The following HCN1 variants were observed in gnomAD, a reference collection of about 807,000 sequenced individuals.
HCN1 encodes hyperpolarization activated cyclic nucleotide gated potassium channel 1.
HCN1 carries 13 observed loss-of-function variants against 78.9 expected under a neutral mutation model. The ratio of observed to expected loss-of-function variants is 0.16; its 90% CI spans 0.11 to 0.26. The LOEUF is 0.26. Among genes scored for constraint, HCN1 ranks in the 10% least tolerant of loss-of-function variants. HCN1 has a pLI of 1.00. For synonymous variants in HCN1, 552 were observed against 455.5 expected, an observed-to-expected ratio of 1.21 and a Z score of -2.70; for missense variants, 810 against 1,154.3, an observed-to-expected ratio of 0.70 and a Z score of 4.32.
At chr5:45,606,277 C>T (rs769064726) in intron 2 of HCN1, among the ~76,000 whole-genome samples, 4 of 151,862 alleles carry the variant, frequency 2.6e-5, no homozygotes, top group Non-Finnish European at 5.9e-5. Flanking sequence ...TACAGAAACT[C>T]CACCTGGTAC....
intron 5 of HCN1, among the ~76,000 whole-genome samples, chr5:45,337,102 A>G (rs1186931047): frequency 6.6e-6 from 1 of 152,104 alleles, no homozygotes; most frequent in Non-Finnish European, 1.5e-5. Context: ...GAACATTTGT[A>G]TACCCTCTAT....
chr5:45,415,766 T>C (rs1189006971), intron 3 of HCN1, among the ~76,000 whole-genome samples: 1 of 152,062 alleles, frequency 6.6e-6, no homozygotes, highest in Non-Finnish European at 1.5e-5. Context: ...CGTCTGTTTA[T>C]TTGTTTGCCT....
At chr5:45,552,677 A>G (rs1743392276) in intron 2 of HCN1, among the ~76,000 whole-genome samples, 4 of 151,952 alleles carry the variant, frequency 2.6e-5, no homozygotes, top group South Asian at 2.1e-4. Context: ...AAGTCTAGAA[A>G]CATGGTATAT....
chr5:45,571,324 T>A (rs1379604842), intron 2 of HCN1, among the ~76,000 whole-genome samples: 1 of 152,082 alleles, frequency 6.6e-6, no homozygotes, highest in Non-Finnish European at 1.5e-5. Context: ...AGTTTCATGG[T>A]TTTTTCTTGG....
chr5:45,581,054 G>C (rs1040232431), intron 2 of HCN1, among the ~76,000 whole-genome samples: 4 of 152,218 alleles, frequency 2.6e-5, no homozygotes, highest in Admixed American at 2.0e-4. Flanking sequence ...TATCTACCCA[G>C]TAATGGGATG....
intron 2 of HCN1, among the ~76,000 whole-genome samples, chr5:45,608,246 C>T (rs1400404041): frequency 6.6e-6 from 1 of 151,740 alleles, no homozygotes; most frequent in African/African-American, 2.4e-5. Flanking sequence ...AGAACACATA[C>T]CATGTTCATA....
intron 3 of HCN1, among the ~76,000 whole-genome samples, chr5:45,443,046 C>T (rs540448448): frequency 2.0e-5 from 3 of 152,108 alleles, no homozygotes; most frequent in African/African-American, 7.2e-5. Context: ...ATGCTTGACA[C>T]ATAGTTACAG....
chr5:45,542,875 T>C lies in HCN1; in HGVS notation c.850-80868A>G, dbSNP rs943430289. On this transcript the variant is annotated intron_variant, in intron 2 of 7. Coordinates refer to ENST00000303230, the MANE Select transcript of HCN1 (RefSeq NM_021072.4). ...TTCAAGCAATTGGAGACTTGTTCCA[T>C]ATGGGACAGATTGAAGCTGTTTTTA... Among the ~76,000 whole-genome samples the C allele has an allele frequency of 2.6e-5, 4 of 152,158 alleles. 1 individual carries two copies. The highest frequency in any genetic ancestry group is 2.0e-4 in the Admixed American group (3 of 15,250).
intron 5 of HCN1, among the ~76,000 whole-genome samples, chr5:45,339,017 C>G (rs1321221914): frequency 6.6e-6 from 1 of 152,124 alleles, no homozygotes; most frequent in East Asian, 1.9e-4. Flanking sequence ...TAGGGAAGCA[C>G]ATGGAGAAAC....
chr5:45,396,409 T>C, intron 4 of HCN1, 83 bp downstream of exon 4: 1 of 975,586 alleles, frequency 1.0e-6, no homozygotes, highest in South Asian at 1.4e-5. Context: ...ATAGAGGAGA[T>C]GGTGTAGTTA....
chr5:45,531,490 G>T (rs984444156), intron 2 of HCN1, among the ~76,000 whole-genome samples: 1 of 152,130 alleles, frequency 6.6e-6, no homozygotes, highest in African/African-American at 2.4e-5. Context: ...CTAGTCCCGT[G>T]TTTTTAAAGA....
chr5:45,298,701 C>T (rs1226299455), intron 6 of HCN1, among the ~76,000 whole-genome samples: 1 of 151,940 alleles, frequency 6.6e-6, no homozygotes, highest in Non-Finnish European at 1.5e-5. Context: ...AGGATGATTT[C>T]AAATTATTTA....
chr5:45,645,515 T>A lies in HCN1; in HGVS notation c.519A>T (p.Thr173=), dbSNP rs934881083. ...GITFFTEQTT[T]PWIIFNVASD... is the part of the protein sequence containing the mutation. ...ATGCCACATTGAAAATAATCCATGG[T>A]GTTGTTGTTTGCTCTGTAAAGAATG... The change falls in exon 2 of 8, where the codon ACA becomes ACT. Residue 173 remains threonine (T), a synonymous_variant. Coordinates refer to ENST00000303230, the MANE Select transcript of HCN1 (RefSeq NM_021072.4). The A allele has an allele frequency of 5.0e-6, 8 of 1,612,380 alleles. No individual in the cohort carries two copies. The highest frequency in any genetic ancestry group is 5.9e-6 in the Non-Finnish European group (7 of 1,178,898).
intron 6 of HCN1, among the ~76,000 whole-genome samples, chr5:45,268,710 A>G (rs1744907350): frequency 6.6e-6 from 1 of 152,184 alleles, no homozygotes; most frequent in Non-Finnish European, 1.5e-5. Flanking sequence ...TCTTGTCAAG[A>G]TTGAAAAGTA....
intron 6 of HCN1, among the ~76,000 whole-genome samples, chr5:45,282,846 G>A (rs1745194630): frequency 6.6e-6 from 1 of 151,942 alleles, no homozygotes; most frequent in African/African-American, 2.4e-5. Flanking sequence ...CTATTCTTAA[G>A]GTCCTCTACA....
At chr5:45,577,013 C>T (rs1044735029) in intron 2 of HCN1, among the ~76,000 whole-genome samples, 2 of 151,974 alleles carry the variant, frequency 1.3e-5, no homozygotes, top group Non-Finnish European at 2.9e-5. Flanking sequence ...AAATGAATGA[C>T]CTACATTCAC....
chr5:45,278,021 T>A (rs2111863501), intron 6 of HCN1, among the ~76,000 whole-genome samples: 1 of 152,198 alleles, frequency 6.6e-6, no homozygotes, highest in South Asian at 2.1e-4. Context: ...CCCTTGCTTC[T>A]TTTCTTCCTG....
chr5:45,537,776 C>A (rs1025738772), intron 2 of HCN1, among the ~76,000 whole-genome samples: 17 of 151,830 alleles, frequency 1.1e-4, no homozygotes, highest in Admixed American at 9.2e-4. Flanking sequence ...AGTATTTGAT[C>A]TGGTCCTTCC....
At chr5:45,438,552 T>C (rs991302826) in intron 3 of HCN1, among the ~76,000 whole-genome samples, 1 of 149,168 alleles carries the variant, frequency 6.7e-6, no homozygotes, top group African/African-American at 2.5e-5. Flanking sequence ...ATCGCGCTAC[T>C]GCACTCCAGC....
Sources: gnomAD v4.1 joint callset for allele counts (sites outside exome capture counted in the v4.1 genomes callset) on GRCh38, gnomAD v4.1.1 for gene constraint, MANE v1.5 for transcripts, NCBI Gene and HGNC (gene_info 2026-07-23, HGNC 2026-07-21) for gene names.